Variants in IRAG2 observed in about 807,000 individuals in gnomAD.
The protein encoded by IRAG2 is inositol 1,4,5-triphosphate receptor associated 2, also known as lymphoid restricted membrane protein.
Under a neutral mutation model 69.9 loss-of-function variants are expected in IRAG2, and 45 were observed. The observed-to-expected ratio is 0.64, with a 90% CI of 0.51 to 0.83. IRAG2 has a LOEUF of 0.83. Among genes scored for constraint, IRAG2 ranks in the 40% least tolerant of loss-of-function variants. IRAG2 has a pLI of 0.00. For synonymous variants in IRAG2, 193 were observed against 202.4 expected (o/e 0.95, Z 0.40); for missense variants, 520 against 587.0 (o/e 0.89, Z 1.18).
chr12:25,002,562 T>C (rs965421161), upstream of IRAG2, among the ~76,000 whole-genome samples: 4 of 152,056 alleles, frequency 2.6e-5, no homozygotes, highest in African/African-American at 7.2e-5. Context: ...TGGAGTCCCA[T>C]GATTAAAAAC....
intron 9 of IRAG2, among the ~76,000 whole-genome samples, chr12:25,027,388 C>CTTT (rs150854134): frequency 5.4e-5 from 6 of 111,328 alleles, no homozygotes; most frequent in Non-Finnish European, 3.9e-5. Context: ...ATTACTACCT[C>CTTT]TTTTTTTTTC....
upstream of IRAG2, among the ~76,000 whole-genome samples, chr12:25,051,197 C>T (rs1190573963): frequency 2.6e-5 from 4 of 152,142 alleles, no homozygotes; most frequent in African/African-American, 7.2e-5. Context: ...TATTGAAGGA[C>T]GCTCAGTGGA....
At chr12:25,022,266 G>A (rs1174775081) in intron 7 of IRAG2, among the ~76,000 whole-genome samples, 1 of 152,156 alleles carries the variant, frequency 6.6e-6, no homozygotes, top group Non-Finnish European at 1.5e-5. Flanking sequence ...GGCTGAGGCG[G>A]GTGGGTCACT....
At chr12:25,037,527 G>C (rs1944711125) in intron 15 of IRAG2, among the ~76,000 whole-genome samples, 1 of 152,132 alleles carries the variant, frequency 6.6e-6, no homozygotes, top group Admixed American at 6.5e-5. Flanking sequence ...TCAAACTCCT[G>C]ACTTCAGGTG....
intron 4 of IRAG2, 120 bp from the exon 5 acceptor site, chr12:25,066,245 G>C (rs926239392): frequency 5.1e-6 from 2 of 392,542 alleles, no homozygotes; most frequent in Admixed American, 4.4e-5. Flanking sequence ...ATGTTAAAAT[G>C]TGAATAGAAG....
chr12:25,055,422 C>T (rs563831556), intron 1 of IRAG2, among the ~76,000 whole-genome samples: 1 of 152,292 alleles, frequency 6.6e-6, no homozygotes, highest in South Asian at 2.1e-4. Flanking sequence ...TGTTAATAGA[C>T]ACATGACTGG....
At chr12:25,056,327 C>T (rs1328017497) in intron 1 of IRAG2, among the ~76,000 whole-genome samples, 7 of 152,126 alleles carry the variant, frequency 4.6e-5, no homozygotes, top group Non-Finnish European at 8.8e-5. Flanking sequence ...AGGAGAAAAC[C>T]AAAGCCAAAT....
At chr12:25,004,852 C>A in exon 1 of IRAG2, 1 of 1,231,928 alleles carries the variant, frequency 8.1e-7, no homozygotes, top group South Asian at 4.1e-5. Flanking sequence ...CACCTTTGTT[C>A]AAAGCTTGAA....
At chr12:25,025,053 A>C (rs899246112) in intron 8 of IRAG2, among the ~76,000 whole-genome samples, 1 of 152,198 alleles carries the variant, frequency 6.6e-6, no homozygotes, top group Non-Finnish European at 1.5e-5. Flanking sequence ...GTAGTGATTC[A>C]CTTTTATTCA....
chr12:25,063,178 T>G (rs1945736450), intron 3 of IRAG2, among the ~76,000 whole-genome samples: 1 of 152,166 alleles, frequency 6.6e-6, no homozygotes, highest in Non-Finnish European at 1.5e-5. Flanking sequence ...TTCTCCTGCC[T>G]CAGCCTCCGG....
At chr12:25,088,008 A>C in intron 10 of IRAG2, 92 bp from the exon 11 acceptor site, 1 of 905,876 alleles carries the variant, frequency 1.1e-6, no homozygotes, top group Non-Finnish European at 1.8e-6. Flanking sequence ...TGTTTTTGTC[A>C]GAGTAGGCTT....
intron 3 of IRAG2, among the ~76,000 whole-genome samples, chr12:25,013,859 T>C (rs2200406): frequency 0.2 from 25,101 of 126,564 alleles, 3,853 homozygotes; most frequent in Non-Finnish European, 0.29. Context: ...TTTTTTGTTT[T>C]CTTTTTCTTT....
chr12:25,047,420 A>T (rs561095154), upstream of IRAG2, among the ~76,000 whole-genome samples: 1 of 137,336 alleles, frequency 7.3e-6, no homozygotes, highest in East Asian at 2.2e-4. Context: ...TAAAAAACTG[A>T]TAAGGGGTTA....
At chr12:25,008,559 T>C (rs995364732) in intron 2 of IRAG2, among the ~76,000 whole-genome samples, 3 of 151,962 alleles carry the variant, frequency 2.0e-5, no homozygotes, top group African/African-American at 7.3e-5. Flanking sequence ...GCCAACATGG[T>C]GAAACCCCAC....
chr12:25,028,505 T>C lies in IRAG2; in HGVS notation c.1461+1639T>C, dbSNP rs149660503. 4.3e-3 allele frequency among the ~76,000 whole-genome samples: 659 copies of C among 152,300 alleles called. 5 individuals are homozygous for C. Among genetic ancestry groups the C allele is most frequent in the African/African-American group, 0.015 (635 of 41,574 alleles). On this transcript the variant is annotated intron_variant, in intron 9 of 38. Coordinates refer to the IRAG2 transcript ENST00000636465. ...CTGAGATAATGTACCTTCTTAATGC[T>C]AAAAATGAGGAGAGATGGGAAAAAT...
At chr12:25,060,491 A>C (rs1258534352) in intron 1 of IRAG2, among the ~76,000 whole-genome samples, 1 of 151,970 alleles carries the variant, frequency 6.6e-6, no homozygotes. Context: ...TCTCAGCTCC[A>C]TGATTTACCA....
At chr12:25,061,958 C>T (rs1177999330) in intron 2 of IRAG2, among the ~76,000 whole-genome samples, 2 of 152,140 alleles carry the variant, frequency 1.3e-5, no homozygotes, top group African/African-American at 2.4e-5. Context: ...TTGGGGACCT[C>T]CTTTCTGATA....
At chr12:25,106,349 A>C (rs1022304275) in intron 20 of IRAG2, among the ~76,000 whole-genome samples, 4 of 138,046 alleles carry the variant, frequency 2.9e-5, no homozygotes, top group African/African-American at 1.0e-4. Flanking sequence ...ATATACATAC[A>C]TATTTTTATA....
At chr12:25,090,013 G>A (rs773002666) in intron 13 of IRAG2, 44 bp from the exon 14 acceptor site, 40 of 1,593,106 alleles carry the variant, frequency 2.5e-5, no homozygotes, top group South Asian at 4.5e-5. Context: ...GACCACATCC[G>A]GTTTTCTCTC....
Sources: gnomAD v4.1 joint callset for allele counts (sites outside exome capture counted in the v4.1 genomes callset) on GRCh38, gnomAD v4.1.1 for gene constraint, MANE v1.5 for transcripts, NCBI Gene and HGNC (gene_info 2026-07-23, HGNC 2026-07-21) for gene names.